IGF2BP1: variants seen among roughly 807,000 people sequenced by gnomAD.
IGF2BP1 encodes insulin like growth factor 2 mRNA binding protein 1, also known as insulin-like growth factor 2 mRNA-binding protein 1.
A neutral mutation model predicts 74.9 loss-of-function variants in IGF2BP1; 11 were observed. The observed-to-expected ratio is 0.15, with a 90% CI of 0.09 to 0.24. The LOEUF (loss-of-function observed/expected upper bound fraction) is 0.24. IGF2BP1 is among the 10% of genes least tolerant of loss of function. IGF2BP1 has a pLI of 1.00. For missense variants in IGF2BP1, 440 were observed against 757.4 expected (o/e 0.58, Z 4.92); for synonymous variants, 287 against 281.8 (o/e 1.02, Z -0.18).
At chr17:49,017,262 G>A (rs184842459) in intron 2 of IGF2BP1, among the ~76,000 whole-genome samples, 1 of 152,174 alleles carries the variant, frequency 6.6e-6, no homozygotes, top group Admixed American at 6.5e-5. Context: ...GGTTAGCTTT[G>A]TCCTCTTATC....
chr17:49,014,278 C>T (rs2041663241), intron 2 of IGF2BP1, among the ~76,000 whole-genome samples: 1 of 124,314 alleles, frequency 8.0e-6, no homozygotes, highest in Non-Finnish European at 1.7e-5. Flanking sequence ...CCCTCAGTCT[C>T]AGCCCCCCAG....
At chr17:49,014,624 A>G (rs1183934355) in intron 2 of IGF2BP1, 1 of 277,746 alleles carries the variant, frequency 3.6e-6, no homozygotes, top group Admixed American at 6.5e-5. Context: ...CCCGCCAGGA[A>G]GAAGCCAGCT....
rs1481542663 is a variant in IGF2BP1 at position 48,997,871 on chromosome 17, G to A, written c.126G>A (p.Val42=). 1 of 1,614,022 alleles carries A rather than the reference G, an allele frequency of 6.2e-7. No individual in the cohort carries two copies. The highest frequency in any genetic ancestry group is 1.3e-5 in the African/African-American group (1 of 74,932). Residue 42 remains valine (V), a synonymous_variant, in exon 1 of 15, where the codon GTG becomes GTA. Transcript: ENST00000290341. This position sits in a 1 kb window ranked among gnomAD's most constrained non-coding sequence, Gnocchi z 4.8. ...TGGTCAAATCCGGCTACGCCTTCGT[G>A]GACTGCCCGGACGAGCACTGGGCGA... is the stretch of plus-strand genomic sequence containing the variant. The part of the protein sequence containing the change: ...QFLVKSGYAF[V]DCPDEHWAMK...
chr17:48,997,661 T>C lies in IGF2BP1; in HGVS notation c.-85T>C, dbSNP rs2143893168. On this transcript the variant is annotated 5_prime_UTR_variant, in exon 1 of 15. Transcript: ENST00000290341. The surrounding 1 kb of genome is among the most constrained non-coding windows in gnomAD (Gnocchi z 4.8). ...GTTTGCGGCTCCTGCCGCCGGCCTC[T>C]CCGCCTCTTGGCCTAGGAGGCTCGC... 1 of 1,438,686 alleles carries C rather than the reference T, an allele frequency of 7.0e-7. No homozygotes were observed. Among genetic ancestry groups the C allele is most frequent in the Admixed American group, 2.0e-5 (1 of 48,920 alleles). The allele number at this position is 1,438,686 out of a possible 1,614,324, so 89.1% of individuals were successfully genotyped here. A position where few individuals can be genotyped will look rare whatever the true frequency, so the allele number is the denominator to read the frequency against.
At chr17:49,033,827 T>C (rs774843025) in intron 5 of IGF2BP1, among the ~76,000 whole-genome samples, 10 of 151,918 alleles carry the variant, frequency 6.6e-5, no homozygotes, top group Non-Finnish European at 1.2e-4. Flanking sequence ...GAAAAATAAT[T>C]ATTTTATTTT....
chr17:48,998,091 C>T (rs551343545), intron 1 of IGF2BP1, among the ~76,000 whole-genome samples, 171 bp downstream of exon 1: 1 of 152,110 alleles, frequency 6.6e-6, no homozygotes, highest in Non-Finnish European at 1.5e-5. Flanking sequence ...CGCTCTGCGC[C>T]TCCCACCCCC....
At chr17:49,014,799 A>T in intron 2 of IGF2BP1, 1 of 985,326 alleles carries the variant, frequency 1.0e-6, no homozygotes, top group Non-Finnish European at 1.2e-6. Context: ...GACCCCGAGG[A>T]GCACGGGGAT....
In IGF2BP1 at chr17:49,040,173, A is replaced by G. The variant is rs972213782; in HGVS notation, c.818+82A>G. The G allele has an allele frequency of 3.5e-6, 5 of 1,426,492 alleles. No homozygotes were observed. The African/African-American group carries it at 5.7e-5, about 16-fold the overall frequency. The allele number at this position is 1,426,492 out of a possible 1,614,324, so 88.4% of individuals were successfully genotyped here. A position where few individuals can be genotyped will look rare whatever the true frequency, so the allele number is the denominator to read the frequency against. On this transcript the variant is annotated intron_variant, in intron 7 of 14. Transcript: ENST00000290341. ...CAACTCAACTTTCAAGCTTTTATAC[A>G]GACATATAAGAAATACAGTCAGCAA...
intron 14 of IGF2BP1, 125 bp from the exon 15 acceptor site, chr17:49,049,227 T>C: frequency 1.4e-6 from 1 of 710,260 alleles, no homozygotes; most frequent in Non-Finnish European, 2.4e-6. Context: ...CCTCTTTATC[T>C]TTCTTCTGAG....
chr17:49,032,032 G>A, intron 5 of IGF2BP1, 59 bp downstream of exon 5: 1 of 1,447,176 alleles, frequency 6.9e-7, no homozygotes, highest in Non-Finnish European at 9.7e-7. Context: ...GAAGGGTGGT[G>A]TGAGCCTGGT....
At chr17:49,025,795 C>T (rs2041845561) in intron 3 of IGF2BP1, 129 bp downstream of exon 3, 1 of 611,674 alleles carries the variant, frequency 1.6e-6, no homozygotes, top group Non-Finnish European at 2.8e-6. Context: ...GGGTCTCATC[C>T]TTTCTTTCTT....
rs1245340429 is a variant in IGF2BP1, at chr17:49,055,494, A to G, written c.*6050A>G. On this transcript the variant is annotated 3_prime_UTR_variant, in exon 15 of 15. Transcript: ENST00000290341. ...AAAGGCTTTGTTTTGGGGATGCTTA[A>G]ATCTTGACTGGCACTTCCCGGCTGT... 5 of 393,994 alleles carry G rather than the reference A, an allele frequency of 1.3e-5. No homozygotes were observed. Among genetic ancestry groups the G allele is most frequent in the Admixed American group, 4.4e-5 (1 of 22,614 alleles). 24.4% of individuals were successfully genotyped at this position (393,994 alleles called of 1,614,324 possible). A position where few individuals can be genotyped will look rare whatever the true frequency, so the allele number is the denominator to read the frequency against.
intron 4 of IGF2BP1, among the ~76,000 whole-genome samples, chr17:49,030,141 CTTTTTTT>C (rs35530909): frequency 8.3e-6 from 1 of 120,796 alleles, no homozygotes; most frequent in Admixed American, 8.4e-5. Context: ...TTTAGCTGGA[CTTTTTTT>C]TTTTTTTTTT....
intron 2 of IGF2BP1, among the ~76,000 whole-genome samples, chr17:49,000,156 TAG>T (rs2041470104): frequency 1.3e-5 from 2 of 152,146 alleles, no homozygotes; most frequent in Non-Finnish European, 2.9e-5. Context: ...GTTGACAGTG[TAG>T]AGTTTGCTCT....
chr17:49,020,133 C>T (rs1285996793), intron 2 of IGF2BP1, among the ~76,000 whole-genome samples: 1 of 151,394 alleles, frequency 6.6e-6, no homozygotes, highest in Non-Finnish European at 1.5e-5. Context: ...ACTGCAACCT[C>T]CCAGCCTCTT....
chr17:49,038,874 A>ATCTTTTTTTTTTTTTTT lies in IGF2BP1; in HGVS notation c.683+426_683+427insCTTTTTTTTTTTTTTTT, dbSNP rs1491495832. On this transcript the variant is annotated intron_variant, in intron 6 of 14. Transcript: ENST00000290341. The stretch of plus-strand genomic sequence containing the variant: ...CTGCCACTGCCACCTTCTTTCTTTA[A>ATCTTTTTTTTTTTTTTT]TATTTTTTTTTTTTTTTTTTTGAGA... 4.0e-5 allele frequency among the ~76,000 whole-genome samples: 3 copies of ATCTTTTTTTTTTTTTTT among 75,274 alleles called. 1 individual carries two copies. Among genetic ancestry groups the ATCTTTTTTTTTTTTTTT allele is most frequent in the African/African-American group, 1.7e-4 (3 of 17,828 alleles). 49.4% of individuals were successfully genotyped at this position (75,274 alleles called of 152,430 possible).
At chr17:49,026,857 C>T (rs1318736549) in intron 4 of IGF2BP1, among the ~76,000 whole-genome samples, 5 of 152,158 alleles carry the variant, frequency 3.3e-5, no homozygotes, top group Admixed American at 1.3e-4. Flanking sequence ...GATTCTCCTA[C>T]CTTAGCCTCC....
Position 49,049,549 on chromosome 17 carries a change from G to GTC in IGF2BP1, c.*105_*106insTC. ...ATGAGTGGGAATCCGGGACACCTGG[G>GTC]CCGGGCTGTAGATCAGGTTTGCCCA... On this transcript the variant is annotated 3_prime_UTR_variant, in exon 15 of 15. Transcript: ENST00000290341. 1 of 915,342 alleles carries GTC rather than the reference G, an allele frequency of 1.1e-6. No homozygotes were observed. Among genetic ancestry groups the GTC allele is most frequent in the Non-Finnish European group, 1.7e-6 (1 of 585,152 alleles). 56.7% of individuals were successfully genotyped at this position (915,342 alleles called of 1,614,324 possible).
intron 7 of IGF2BP1, 127 bp from the exon 8 acceptor site, chr17:49,041,251 C>A: frequency 1.1e-6 from 1 of 924,018 alleles, no homozygotes; most frequent in Non-Finnish European, 1.7e-6. Context: ...TTAAAGTATG[C>A]AGTTTGATAA....
Sources: gnomAD v4.1 joint callset for allele counts (sites outside exome capture counted in the v4.1 genomes callset) on GRCh38, gnomAD v4.1.1 for gene constraint, Gnocchi (gnomAD v3.1) non-coding constraint, MANE v1.5 for transcripts, NCBI Gene and HGNC (gene_info 2026-07-23, HGNC 2026-07-21) for gene names.